The following ARK2N variants were observed in gnomAD, a reference collection of about 807,000 sequenced individuals.
The protein encoded by ARK2N is arkadia (RNF111) N-terminal like PKA signaling regulator 2N.
At chr18:46,195,322 GC>G in the ARK2N span, among the ~76,000 whole-genome samples, 1 of 136,906 alleles carries the variant, frequency 7.3e-6, no homozygotes, top group Non-Finnish European at 1.5e-5. Flanking sequence ...AGGCTGGAGT[GC>G]AGTGTTTCGA....
the ARK2N span, chr18:46,216,248 C>T: frequency 2.2e-5 from 35 of 1,613,724 alleles, no homozygotes; most frequent in Middle Eastern, 3.3e-4. This position sits in a 1 kb window ranked among gnomAD's most constrained non-coding sequence, Gnocchi z 4.3. Flanking sequence ...GCAGAAACGG[C>T]GGTAGAAGGA....
chr18:46,209,247 T>C, the ARK2N span, among the ~76,000 whole-genome samples: 1 of 152,112 alleles, frequency 6.6e-6, no homozygotes, highest in Non-Finnish European at 1.5e-5. Context: ...GCAGTTTTAA[T>C]CTCTGTCAGA....
the ARK2N span, among the ~76,000 whole-genome samples, chr18:46,214,399 A>C: frequency 6.6e-6 from 1 of 152,194 alleles, no homozygotes; most frequent in African/African-American, 2.4e-5. Flanking sequence ...CATATTTAGC[A>C]TCCTCTTTAA....
the ARK2N span, among the ~76,000 whole-genome samples, chr18:46,252,891 G>T: frequency 6.6e-6 from 1 of 152,174 alleles, no homozygotes; most frequent in Non-Finnish European, 1.5e-5. Flanking sequence ...CATGTTTTCT[G>T]TGATGTTGGA....
At chr18:46,263,575 G>A in the ARK2N span, 1 of 154,312 alleles carries the variant, frequency 6.5e-6, no homozygotes, top group Admixed American at 6.4e-5. Context: ...TATCAGTCAG[G>A]TCCTTATTGG....
At chr18:46,230,335 A>G in the ARK2N span, among the ~76,000 whole-genome samples, 1 of 152,232 alleles carries the variant, frequency 6.6e-6, no homozygotes, top group Non-Finnish European at 1.5e-5. Flanking sequence ...TACTAATAAT[A>G]GTAATAAGTG....
chr18:46,260,561 A>T, the ARK2N span, among the ~76,000 whole-genome samples: 1 of 152,222 alleles, frequency 6.6e-6, no homozygotes, highest in Non-Finnish European at 1.5e-5. Flanking sequence ...TTCAGAAGTG[A>T]TCTATTTTTA....
the ARK2N span, among the ~76,000 whole-genome samples, chr18:46,211,177 C>T: frequency 6.6e-6 from 1 of 151,986 alleles, no homozygotes; most frequent in Non-Finnish European, 1.5e-5. Flanking sequence ...CATTAATGAC[C>T]CTGGTAATAA....
chr18:46,185,698 C>A, the ARK2N span, among the ~76,000 whole-genome samples: 1 of 152,252 alleles, frequency 6.6e-6, no homozygotes, highest in African/African-American at 2.4e-5. Context: ...TTTAAAAAAC[C>A]AGGTAAGGCC....
the ARK2N span, among the ~76,000 whole-genome samples, chr18:46,254,337 T>C: frequency 5.9e-5 from 9 of 152,252 alleles, no homozygotes; most frequent in Admixed American, 6.5e-5. Context: ...AATGCTCATA[T>C]AACTAAGGGA....
the ARK2N span, chr18:46,262,787 A>G: frequency 1.3e-6 from 1 of 779,618 alleles, no homozygotes; most frequent in South Asian, 1.7e-5. Context: ...GATGGAGGGA[A>G]GGATATTGAT....
At chr18:46,240,206 C>G in the ARK2N span, 15 of 1,613,234 alleles carry the variant, frequency 9.3e-6, no homozygotes, top group Admixed American at 1.7e-4. Context: ...TCCCCATCCC[C>G]CTTCTCTAAC....
At chr18:46,248,766 G>A in the ARK2N span, among the ~76,000 whole-genome samples, 2 of 152,114 alleles carry the variant, frequency 1.3e-5, no homozygotes, top group Non-Finnish European at 2.9e-5. Context: ...TGTATTTTTA[G>A]TAGAGATGGG....
At chr18:46,183,538 C>A in the ARK2N span, among the ~76,000 whole-genome samples, 2 of 152,072 alleles carry the variant, frequency 1.3e-5, no homozygotes, top group African/African-American at 4.8e-5. Context: ...ACTCATAATT[C>A]CTTACTCTGA....
At chr18:46,215,346 C>T in the ARK2N span, among the ~76,000 whole-genome samples, 1 of 152,124 alleles carries the variant, frequency 6.6e-6, no homozygotes, top group East Asian at 1.9e-4. Context: ...CAAACAAAAA[C>T]ATTTGATGTT....
the ARK2N span, among the ~76,000 whole-genome samples, chr18:46,241,412 C>T: frequency 6.6e-6 from 1 of 152,080 alleles, no homozygotes; most frequent in Non-Finnish European, 1.5e-5. Context: ...TGTATTAATA[C>T]AAATACTTTG....
chr18:46,225,782 A>G, the ARK2N span, among the ~76,000 whole-genome samples: 2 of 152,124 alleles, frequency 1.3e-5, no homozygotes, highest in African/African-American at 4.8e-5. Flanking sequence ...TAAAAGCTGC[A>G]GTAGTAAACA....
the ARK2N span, among the ~76,000 whole-genome samples, chr18:46,255,312 C>T: frequency 4.3e-3 from 658 of 152,282 alleles, 5 homozygotes; most frequent in African/African-American, 0.015. Flanking sequence ...CAGAACTAGT[C>T]TTGTCCTAGC....
chr18:46,231,057 C>A, the ARK2N span, among the ~76,000 whole-genome samples: 1 of 152,154 alleles, frequency 6.6e-6, no homozygotes, highest in Non-Finnish European at 1.5e-5. Flanking sequence ...TAATAACTCT[C>A]TTAATCATAT....
Sources: allele counts gnomAD v4.1 joint callset (sites outside exome capture counted in the v4.1 genomes callset), GRCh38; gene constraint gnomAD v4.1.1; non-coding constraint Gnocchi (gnomAD v3.1); transcripts MANE v1.5; gene names NCBI Gene and HGNC (gene_info 2026-07-23, HGNC 2026-07-21).